The following SUOX variants were observed in gnomAD, a reference collection of about 807,000 sequenced individuals.
SUOX encodes sulfite oxidase, mitochondrial.
SUOX carries 39 observed loss-of-function variants against 41.9 expected under a neutral mutation model. The ratio of observed to expected loss-of-function variants is 0.93; its 90% CI spans 0.72 to 1.21. The LOEUF is 1.21. Among genes scored for constraint, SUOX ranks in the 50% most tolerant of loss-of-function variants. The probability of loss-of-function intolerance (pLI) is 0.00; values close to 1 mark genes in which losing one functional copy is unlikely to be tolerated. For synonymous variants in SUOX, 220 were observed against 268.4 expected, an observed-to-expected ratio of 0.82 and a Z score of 1.76; for missense variants, 633 against 689.5, an observed-to-expected ratio of 0.92 and a Z score of 0.92.
At chr12:55,998,264 TG>T (rs1890378848) in intron 2 of SUOX, among the ~76,000 whole-genome samples, 2 of 151,670 alleles carry the variant, frequency 1.3e-5, no homozygotes, top group South Asian at 4.1e-4. Context: ...ATTTTGAGGC[TG>T]GGAGTGGTGG....
intron 2 of SUOX, chr12:55,999,682 G>C (rs776647621): frequency 6.6e-6 from 1 of 152,256 alleles, no homozygotes; most frequent in African/African-American, 2.4e-5. Context: ...AGCTTCCACC[G>C]TGTGGAAAGG....
chr12:56,005,051 C>T lies in SUOX; in HGVS notation c.*24C>T, dbSNP rs774174214. 6.9e-6 allele frequency: 11 copies of T among 1,602,972 alleles called. No individual in the cohort carries two copies. The highest frequency in any genetic ancestry group is 8.5e-6 in the Non-Finnish European group (10 of 1,177,910). On this transcript the variant is annotated 3_prime_UTR_variant, in exon 5 of 5. Coordinates refer to ENST00000266971, the MANE Select transcript of SUOX (RefSeq NM_001032386.2). ...GAGCATGGAAAGGAGCCACCTCCAC[C>T]CCTTTCCCCACCCATTAGCCTCACT...
In SUOX at chr12:56,002,846, G is replaced by A. The variant is rs369983571; in HGVS notation, c.228+126G>A. 50 of 1,051,358 alleles carry A rather than the reference G, an allele frequency of 4.8e-5. 1 individual carries two copies. Among genetic ancestry groups the A allele is most frequent in the East Asian group, 3.9e-4 (15 of 38,668 alleles). The allele number at this position is 1,051,358 out of a possible 1,614,324, so 65.1% of individuals were successfully genotyped here. A position where few individuals can be genotyped will look rare whatever the true frequency, so the allele number is the denominator to read the frequency against. On this transcript the variant is annotated intron_variant, in intron 4 of 4. Transcript: ENST00000266971. ...GGTTAGGAGTTTGAGACCAGCCTGG[G>A]CAACATGGCAAAACCCCATCTCTAG...
chr12:56,004,019 C>G lies in SUOX; in HGVS notation c.630C>G (p.Pro210=). ...PELLTENYIT[P]NPIFFTRNHL... ...TGCTGACAGAAAACTACATCACACC[C>G]AACCCTATCTTCTTCACCCGGAACC... is the stretch of plus-strand genomic sequence containing the variant. The change falls in exon 5 of 5, where the codon CCC becomes CCG. Residue 210 remains proline (P), a synonymous_variant. Coordinates refer to ENST00000266971, the MANE Select transcript of SUOX (RefSeq NM_001032386.2). The surrounding 1 kb of genome is among the most constrained non-coding windows in gnomAD (Gnocchi z 4.5). 3 of 1,614,164 alleles carry G rather than the reference C, an allele frequency of 1.9e-6. No individual in the cohort carries two copies. The highest frequency in any genetic ancestry group is 1.7e-5 in the Admixed American group (1 of 60,014).
At chr12:56,003,426 TA>T (rs1325495302) in intron 4 of SUOX, among the ~76,000 whole-genome samples, 191 bp from the exon 5 acceptor site, 1 of 152,036 alleles carries the variant, frequency 6.6e-6, no homozygotes, top group Non-Finnish European at 1.5e-5. Flanking sequence ...CATGCCCAGC[TA>T]ATTTTGTATT....
Position 56,005,012 on chromosome 12 carries a change from CTA to C in SUOX, c.1625_1626del (p.Tyr542CysfsTer48). The C allele has an allele frequency of 6.2e-7, 1 of 1,612,374 alleles. No individual in the cohort carries two copies. On this transcript the variant is annotated frameshift_variant, in exon 5 of 5. Coordinates refer to ENST00000266971, the MANE Select transcript of SUOX (RefSeq NM_001032386.2). LOFTEE classifies it high-confidence loss of function. ...GCAATGCCTGGCATCGTGTCCATGT[CTA>C]TGTCTCCCCATGAGCATGGAAAGGA... is the stretch of plus-strand genomic sequence containing the variant. ...LSNAWHRVHV[Y>X]VSP
chr12:55,998,803 C>CTT lies in SUOX; in HGVS notation c.-11+1092_-11+1093dup, dbSNP rs577413607. ...ATCGACACTTGCTCCATCGCCCAGG[C>CTT]TTTTTTTTTTTTTGAGACAAGGTCT... On this transcript the variant is annotated intron_variant, in intron 2 of 4. Transcript: ENST00000266971. 4.2e-3 allele frequency among the ~76,000 whole-genome samples: 607 copies of CTT among 142,996 alleles called. 5 individuals are homozygous for CTT. The highest frequency in any genetic ancestry group is 0.015 in the African/African-American group (583 of 39,414). 93.8% of individuals were successfully genotyped at this position (142,996 alleles called of 152,430 possible).
Position 56,004,849 on chromosome 12 carries a change from C to T in SUOX, c.1460C>T (p.Ala487Val), listed in dbSNP as rs143228843. 20 of 1,614,058 alleles carry T rather than the reference C, an allele frequency of 1.2e-5. No homozygotes were observed. Among genetic ancestry groups the T allele is most frequent in the African/African-American group, 6.7e-5 (5 of 74,918 alleles). ...GAACAGCGCCCCAGGAAGGCCTGGGCATGGCGTCTGTGGCAGTTGAAAGCC... is the reference window on the plus strand; with the variant it reads ...GAACAGCGCCCCAGGAAGGCCTGGGTATGGCGTCTGTGGCAGTTGAAAGCC... ...GEEQRPRKAW[A>V]WRLWQLKAPV... Residue 487 changes from alanine (A) to valine (V), a missense_variant, in exon 5 of 5, where the codon GCA (alanine) becomes GTA (valine). Coordinates refer to ENST00000266971, the MANE Select transcript of SUOX (RefSeq NM_001032386.2). The surrounding 1 kb of genome is among the most constrained non-coding windows in gnomAD (Gnocchi z 4.5).
rs1000677563 is a variant in SUOX at position 56,005,158 on chromosome 12, G to A, written c.*131G>A. On this transcript the variant is annotated 3_prime_UTR_variant, in exon 5 of 5. Coordinates refer to ENST00000266971, the MANE Select transcript of SUOX (RefSeq NM_001032386.2). ...TAAGCCATACCCAAGTACACATATA[G>A]CACATTTCACCCAAGGACCTTCCCT... is the stretch of plus-strand genomic sequence containing the variant. 1 of 1,032,666 alleles carries A rather than the reference G, an allele frequency of 9.7e-7. No homozygotes were observed. Among genetic ancestry groups the A allele is most frequent in the Non-Finnish European group, 1.5e-6 (1 of 682,602 alleles). The allele number at this position is 1,032,666 out of a possible 1,614,324, so 64.0% of individuals were successfully genotyped here.
At position 56,004,988 on chromosome 12, in the gene SUOX, C is replaced by T. The variant is rs1389227222; in HGVS notation, c.1599C>T (p.Ser533=). Residue 533 remains serine, a synonymous_variant, in exon 5 of 5, where the codon AGC becomes AGT. Transcript: ENST00000266971. The surrounding 1 kb of genome is among the most constrained non-coding windows in gnomAD (Gnocchi z 4.5). ...APIWNLRGVL[S]NAWHRVHVYV... ...TCTGGAACCTGCGAGGTGTTCTCAG[C>T]AATGCCTGGCATCGTGTCCATGTCT... The T allele has an allele frequency of 6.2e-7, 1 of 1,613,862 alleles. No homozygotes were observed. Among genetic ancestry groups the T allele is most frequent in the African/African-American group, 1.3e-5 (1 of 75,064 alleles).
intron 2 of SUOX, among the ~76,000 whole-genome samples, chr12:56,000,784 TG>T (rs1324289312): frequency 6.6e-6 from 1 of 151,964 alleles, no homozygotes; most frequent in African/African-American, 2.4e-5. Flanking sequence ...TCTTTTTCTT[TG>T]TTTTTTTTTT....
At chr12:55,999,495 G>A (rs1198458658) in intron 2 of SUOX, 1 of 154,574 alleles carries the variant, frequency 6.5e-6, no homozygotes, top group Non-Finnish European at 1.4e-5. Flanking sequence ...CGTGTCCGGA[G>A]TTTGTTCCTT....
At chr12:55,999,124 A>G (rs569468695) in intron 2 of SUOX, among the ~76,000 whole-genome samples, 1 of 152,192 alleles carries the variant, frequency 6.6e-6, no homozygotes, top group Non-Finnish European at 1.5e-5. Flanking sequence ...AAAAAAAAGT[A>G]TATTTTGAGA....
In SUOX at chr12:56,003,560, C is replaced by G. The variant is rs1392592546; in HGVS notation, c.229-58C>G. The G allele has an allele frequency of 4.5e-6, 7 of 1,560,088 alleles. No homozygotes were observed. The Admixed American group carries it at 1.2e-4, about 26-fold the overall frequency. On this transcript the variant is annotated intron_variant, in intron 4 of 4. Coordinates refer to ENST00000266971, the MANE Select transcript of SUOX (RefSeq NM_001032386.2). ...ACAGTTGTGAGTCACCACGCCCGAC[C>G]AAGTGATTTCTTCTTAATAGTCTCT...
chr12:56,004,218 G>A lies in SUOX; in HGVS notation c.829G>A (p.Glu277Lys), dbSNP rs1164187452. The A allele has an allele frequency of 6.2e-7, 1 of 1,614,046 alleles. No individual in the cohort carries two copies. The highest frequency in any genetic ancestry group is 8.5e-7 in the Non-Finnish European group (1 of 1,180,050). Residue 277 changes from glutamate to lysine, a missense_variant, in exon 5 of 5, where the codon GAA becomes AAA. Physicochemically the swap from Glu to Lys is moderately conservative, Grantham distance 56. Transcript: ENST00000266971. This position sits in a 1 kb window ranked among gnomAD's most constrained non-coding sequence, Gnocchi z 4.5. ...NRRSEMTQVK[E>K]VKGLEWRTGA... Reference sequence around the variant, plus strand: ...ACGCTCTGAGATGACTCAGGTCAAAGAAGTAAAAGGTCTGGAGTGGAGAAC... The same window carrying A: ...ACGCTCTGAGATGACTCAGGTCAAAAAAGTAAAAGGTCTGGAGTGGAGAAC...
Position 56,004,774 on chromosome 12 carries a change from T to C in SUOX, c.1385T>C (p.Val462Ala). The C allele has an allele frequency of 1.2e-6, 2 of 1,614,086 alleles. No homozygotes were observed. The highest frequency in any genetic ancestry group is 1.7e-6 in the Non-Finnish European group (2 of 1,179,970). ...GGCAGGGCTGTGATCCGGGTGGATGTGTCTCTGGATGGGGGCCTAACCTGG... is the reference window on the plus strand; with the variant it reads ...GGCAGGGCTGTGATCCGGGTGGATGCGTCTCTGGATGGGGGCCTAACCTGG... Reference protein sequence around the residue: ...GGGRAVIRVDVSLDGGLTWQV... With the variant: ...GGGRAVIRVDASLDGGLTWQV... Residue 462 changes from valine (V) to alanine (A), a missense_variant, in exon 5 of 5, where the codon GTG (valine) becomes GCG (alanine). Val to Ala is a moderately conservative substitution (Grantham distance 64). Coordinates refer to ENST00000266971, the MANE Select transcript of SUOX (RefSeq NM_001032386.2). The surrounding 1 kb of genome is among the most constrained non-coding windows in gnomAD (Gnocchi z 4.5).
chr12:56,001,359 G>C (rs545003805), intron 2 of SUOX: 6 of 140,774 alleles, frequency 4.3e-5, no homozygotes, highest in African/African-American at 1.6e-4. Flanking sequence ...CCTGACCTCA[G>C]GTGATTTGCC....
rs1227805511 is a variant in SUOX at position 56,003,936 on chromosome 12, C to T, written c.547C>T (p.His183Tyr). The T allele has an allele frequency of 1.9e-6, 3 of 1,614,132 alleles. No homozygotes were observed. Among genetic ancestry groups the T allele is most frequent in the Non-Finnish European group, 1.7e-6 (2 of 1,180,034 alleles). ...SDPYADDPVR[H>Y]PALKVNSQRP... is the part of the protein sequence containing the mutation. The stretch of plus-strand genomic sequence containing the variant: ...CCCTTATGCTGATGATCCTGTACGT[C>T]ACCCAGCCCTGAAGGTCAACAGCCA... The change falls in exon 5 of 5, where the codon CAC becomes TAC. Residue 183 changes from histidine to tyrosine, a missense_variant. By Grantham distance (83) the His-to-Tyr change is moderately conservative. Transcript: ENST00000266971.
Position 56,004,970 on chromosome 12 carries a change from C to A in SUOX, c.1581C>A (p.Asn527Lys), listed in dbSNP as rs1406008929. Residue 527 changes from asparagine to lysine, a missense_variant, in exon 5 of 5, where the codon AAC becomes AAA. Asn to Lys is a moderately conservative substitution (Grantham distance 94). Coordinates refer to ENST00000266971, the MANE Select transcript of SUOX (RefSeq NM_001032386.2). The surrounding 1 kb of genome is among the most constrained non-coding windows in gnomAD (Gnocchi z 4.5). ...CAGACACCGTGGCCCCAATCTGGAA[C>A]CTGCGAGGTGTTCTCAGCAATGCCT... ...VQPDTVAPIWNLRGVLSNAWH... is the reference protein window; with the variant it reads ...VQPDTVAPIWKLRGVLSNAWH... 1.9e-6 allele frequency: 3 copies of A among 1,614,022 alleles called. No homozygotes were observed. Among genetic ancestry groups the A allele is most frequent in the African/African-American group, 1.3e-5 (1 of 74,916 alleles).
Sources: gnomAD v4.1 joint callset for allele counts (sites outside exome capture counted in the v4.1 genomes callset) on GRCh38, gnomAD v4.1.1 for gene constraint, Gnocchi (gnomAD v3.1) non-coding constraint, MANE v1.5 for transcripts, NCBI Gene and HGNC (gene_info 2026-07-23, HGNC 2026-07-21) for gene names.